SNUPN: variants seen among roughly 807,000 people sequenced by gnomAD.
The protein encoded by SNUPN is snurportin-1.
SNUPN carries 31 observed loss-of-function variants against 39.2 expected under a neutral mutation model. That is an observed-to-expected ratio of 0.79 (90% CI 0.59 to 1.07). The LOEUF (loss-of-function observed/expected upper bound fraction) is 1.07, where lower values mean the gene tolerates loss of function less well. SNUPN is among the 50% of genes least tolerant of loss of function. The pLI is 0.00. For missense variants in SNUPN, 382 were observed against 434.2 expected (o/e 0.88, Z 1.07); for synonymous variants, 132 against 159.0 (o/e 0.83, Z 1.28).
At chr15:75,614,852 A>C (rs1297091676) in intron 3 of SNUPN, among the ~76,000 whole-genome samples, 1 of 152,222 alleles carries the variant, frequency 6.6e-6, no homozygotes, top group African/African-American at 2.4e-5. Context: ...CTAGGTATTT[A>C]AGGCATATTA....
intron 3 of SNUPN, 53 bp downstream of exon 3, chr15:75,617,355 G>A (rs900108538): frequency 7.6e-6 from 12 of 1,570,554 alleles, no homozygotes; most frequent in East Asian, 2.2e-5. Flanking sequence ...GGCTTTGACT[G>A]CATAGTAAAG....
chr15:75,613,955 CAT>C, intron 3 of SNUPN, among the ~76,000 whole-genome samples: 1 of 152,250 alleles, frequency 6.6e-6, no homozygotes, highest in East Asian at 1.9e-4. Flanking sequence ...GAAATGAAAA[CAT>C]ATGCTCACAC....
chr15:75,598,641 C>T lies in SNUPN; in HGVS notation c.800G>A (p.Ser267Asn). ...GCCCACCAAGGGAGTGCTTCCGGGG[C>T]TGTAGTGGGTCTGTTTGTGGTAGAA... is the stretch of plus-strand genomic sequence containing the variant. ...LLFYHKQTHY[S>N]PGSTPLVGWL... The change falls in exon 9 of 9, where the codon AGC (serine) becomes AAC (asparagine). Residue 267 changes from serine to asparagine, a missense_variant. By Grantham distance (46) the Ser-to-Asn change is conservative. Coordinates refer to ENST00000308588, the MANE Select transcript of SNUPN (RefSeq NM_005701.4). 6.2e-7 allele frequency: 1 copy of T among 1,610,656 alleles called. No homozygotes were observed. Among genetic ancestry groups the T allele is most frequent in the Non-Finnish European group, 8.5e-7 (1 of 1,177,068 alleles).
chr15:75,599,873 G>A (rs1379368762), intron 8 of SNUPN, among the ~76,000 whole-genome samples: 4 of 147,102 alleles, frequency 2.7e-5, no homozygotes, highest in Non-Finnish European at 4.5e-5. Context: ...ATGGAGTTTC[G>A]CTCGTTGCCC....
chr15:75,609,697 C>G (rs1892730093), intron 4 of SNUPN, 46 bp from the exon 5 acceptor site: 1 of 1,410,250 alleles, frequency 7.1e-7, no homozygotes, highest in Non-Finnish European at 9.9e-7. Context: ...TCAAGGTCTC[C>G]TCGCCCTCTT....
chr15:75,609,221 C>T (rs1456058748), intron 5 of SNUPN, among the ~76,000 whole-genome samples: 2 of 111,578 alleles, frequency 1.8e-5, no homozygotes, highest in Non-Finnish European at 3.3e-5. Flanking sequence ...CTCGCTCTGT[C>T]GCCCAGGCCG....
chr15:75,614,255 T>A, intron 3 of SNUPN, among the ~76,000 whole-genome samples: 1 of 152,024 alleles, frequency 6.6e-6, no homozygotes, highest in African/African-American at 2.4e-5. Context: ...CATGCCACTG[T>A]ACTCCAGCCT....
chr15:75,623,921 TA>T (rs1209999841), intron 1 of SNUPN, among the ~76,000 whole-genome samples: 1,535 of 138,870 alleles, frequency 0.011, 37 homozygotes, highest in African/African-American at 0.04. Flanking sequence ...GCTTTCATGA[TA>T]AAATTTTTTT....
At chr15:75,620,840 T>G in intron 2 of SNUPN, 54 bp downstream of exon 2, 2 of 1,507,502 alleles carry the variant, frequency 1.3e-6, no homozygotes, top group Non-Finnish European at 1.8e-6. Context: ...GCCTTCGGAA[T>G]GGTTCATAGC....
In SNUPN at chr15:75,612,214, G is replaced by T. The variant is rs144681871; in HGVS notation, c.304-2220C>A. Among the ~76,000 whole-genome samples, 326 of 152,114 alleles carry T rather than the reference G, an allele frequency of 2.1e-3. 2 individuals carry two copies. The highest frequency in any genetic ancestry group is 7.4e-3 in the African/African-American group (307 of 41,504). On this transcript the variant is annotated intron_variant, in intron 3 of 8. Transcript: ENST00000308588. The stretch of plus-strand genomic sequence containing the variant: ...CGCCCGGCTCATTTTTGTATTTTTA[G>T]TAGAGACAGGGTTTCACCATTTTGG...
intron 1 of SNUPN, chr15:75,622,292 T>C (rs1205779507): frequency 1.0e-6 from 1 of 953,778 alleles, no homozygotes; most frequent in African/African-American, 1.8e-5. Context: ...TTGTGTTTTG[T>C]TTTTGGGTGG....
At chr15:75,608,867 A>T (rs749057414) in intron 5 of SNUPN, among the ~76,000 whole-genome samples, 6 of 152,132 alleles carry the variant, frequency 3.9e-5, no homozygotes, top group Admixed American at 1.3e-4. Context: ...GGCCGGGTGC[A>T]GTGGCTTATG....
In SNUPN at chr15:75,598,390, G is replaced by T; in HGVS notation, c.1051C>A (p.Pro351Thr). Residue 351 changes from proline (P) to threonine (T), a missense_variant, in exon 9 of 9, where the codon CCA (proline) becomes ACA (threonine). Pro to Thr is a conservative substitution (Grantham distance 38). Coordinates refer to ENST00000308588, the MANE Select transcript of SNUPN (RefSeq NM_005701.4). The stretch of plus-strand genomic sequence containing the variant: ...TCCATGAGGCATCCAGGGTGGTCTG[G>T]GCTATGGGAAGAACCCTTCAACTTG... ...TPKLKGSSHS[P>T]DHPGCLMEN 6.2e-7 allele frequency: 1 copy of T among 1,614,192 alleles called. No individual in the cohort carries two copies. Among genetic ancestry groups the T allele is most frequent in the South Asian group, 1.1e-5 (1 of 91,082 alleles).
At chr15:75,601,840 T>G (rs1222836110) in intron 7 of SNUPN, among the ~76,000 whole-genome samples, 1 of 152,128 alleles carries the variant, frequency 6.6e-6, no homozygotes, top group Admixed American at 6.6e-5. Context: ...TCCCCTCTAC[T>G]TACTCTCTTA....
Position 75,598,344 on chromosome 15 carries a change from G to A in SNUPN, c.*14C>T. 1 of 1,602,860 alleles carries A rather than the reference G, an allele frequency of 6.2e-7. No homozygotes were observed. ...CAGGTACCATCCTGTGGCTCCTTAA[G>A]GAGGCTTCTCTCTTTAATTCTCCAT... is the stretch of plus-strand genomic sequence containing the variant. On this transcript the variant is annotated 3_prime_UTR_variant, in exon 9 of 9. Transcript: ENST00000308588.
At chr15:75,604,550 A>C (rs2141363751) in intron 7 of SNUPN, among the ~76,000 whole-genome samples, 1 of 152,338 alleles carries the variant, frequency 6.6e-6, no homozygotes, top group African/African-American at 2.4e-5. Flanking sequence ...TCACATATTT[A>C]AATCACTGAT....
At chr15:75,622,163 G>A (rs531361727) in intron 1 of SNUPN, among the ~76,000 whole-genome samples, 1 of 152,328 alleles carries the variant, frequency 6.6e-6, no homozygotes, top group South Asian at 2.1e-4. Context: ...AGTAGTTCAA[G>A]ACCAACCTGG....
intron 3 of SNUPN, among the ~76,000 whole-genome samples, chr15:75,615,456 C>T (rs929392131): frequency 9.2e-5 from 14 of 152,118 alleles, no homozygotes; most frequent in African/African-American, 3.4e-4. Flanking sequence ...CCTGTTTGTT[C>T]CCACTGCCTG....
chr15:75,624,156 T>C (rs916072968), intron 1 of SNUPN, among the ~76,000 whole-genome samples: 1 of 147,120 alleles, frequency 6.8e-6, no homozygotes, highest in Non-Finnish European at 1.5e-5. Flanking sequence ...CTCGATCTCC[T>C]GACCTCGTGA....
Sources: gnomAD v4.1 joint callset for allele counts (sites outside exome capture counted in the v4.1 genomes callset) on GRCh38, gnomAD v4.1.1 for gene constraint, MANE v1.5 for transcripts, NCBI Gene and HGNC (gene_info 2026-07-23, HGNC 2026-07-21) for gene names.